ANKRD36C: variants seen among roughly 807,000 people sequenced by gnomAD.
The protein encoded by ANKRD36C is ankyrin repeat domain 36C, also known as ankyrin repeat domain-containing protein 36C.
ANKRD36C carries 61 observed loss-of-function variants against 276.4 expected under a neutral mutation model. The ratio of observed to expected loss-of-function variants is 0.22; its 90% CI spans 0.18 to 0.27. The LOEUF (loss-of-function observed/expected upper bound fraction) is 0.27, where lower values mean the gene tolerates loss of function less well. ANKRD36C is among the 10% of genes least tolerant of loss of function. The pLI is 1.00. For missense variants in ANKRD36C, 1,447 were observed against 2,032.3 expected, an observed-to-expected ratio of 0.71 and a Z score of 5.54; for synonymous variants, 483 against 680.1, an observed-to-expected ratio of 0.71 and a Z score of 4.51.
chr2:95,913,910 A>C (rs1474156506), intron 40 of ANKRD36C, among the ~76,000 whole-genome samples, 198 bp downstream of exon 42: 1 of 151,466 alleles, frequency 6.6e-6, no homozygotes, highest in Non-Finnish European at 1.5e-5. Context: ...AATGTGGGGA[A>C]ATGTATAATC....
In ANKRD36C at chr2:95,921,830, A is replaced by C; in HGVS notation, c.2144-20T>G. On this transcript the variant is annotated intron_variant, in intron 32 of 66. Coordinates refer to ENST00000456556, the Ensembl canonical transcript of ANKRD36C. ...AAGACACTGAAAAACAAAAGGGATA[A>C]TCACTCATATGTAAATATGATACAT... 6.3e-7 allele frequency: 1 copy of C among 1,591,142 alleles called. No individual in the cohort carries two copies. The highest frequency in any genetic ancestry group is 8.5e-7 in the Non-Finnish European group (1 of 1,171,992).
At chr2:95,955,468 T>G (rs955078186) in intron 13 of ANKRD36C, among the ~76,000 whole-genome samples, 12 of 151,646 alleles carry the variant, frequency 7.9e-5, no homozygotes, top group Non-Finnish European at 1.3e-4. Context: ...CAAACTTGCA[T>G]TAAACCAAAT....
intron 5 of ANKRD36C, among the ~76,000 whole-genome samples, chr2:95,979,827 T>G (rs941179703): frequency 6.6e-6 from 1 of 152,070 alleles, no homozygotes; most frequent in African/African-American, 2.4e-5. Context: ...AAGCCCAGGT[T>G]AAAATGTGGG....
chr2:95,912,111 T>A, intron 42 of ANKRD36C, 133 bp downstream of exon 44: 3 of 1,309,352 alleles, frequency 2.3e-6, no homozygotes, highest in Non-Finnish European at 3.1e-6. Context: ...ACCCAAGAAC[T>A]TATTAGAAAT....
chr2:95,962,621 A>G, intron 6 of ANKRD36C, 74 bp from the exon 7 acceptor site: 1 of 1,557,390 alleles, frequency 6.4e-7, no homozygotes, highest in Non-Finnish European at 8.7e-7. Flanking sequence ...ATGCACTGTT[A>G]CCATCAAGCT....
chr2:95,977,429 A>G (rs943995921), intron 6 of ANKRD36C, among the ~76,000 whole-genome samples: 2 of 152,224 alleles, frequency 1.3e-5, no homozygotes, highest in Non-Finnish European at 2.9e-5. Context: ...TAAATAAAAA[A>G]TTAAGTAAAA....
intron 52 of ANKRD36C, 96 bp downstream of exon 72, chr2:95,885,952 C>T (rs1354298454): frequency 4.5e-6 from 7 of 1,550,824 alleles, no homozygotes; most frequent in Admixed American, 1.9e-5. Context: ...TGAATCCAAA[C>T]ATAAAGCTTC....
At chr2:95,868,286 C>CTT (rs528122129) in intron 59 of ANKRD36C, among the ~76,000 whole-genome samples, 1 of 134,362 alleles carries the variant, frequency 7.4e-6, no homozygotes. Context: ...ACACCATCAT[C>CTT]TTTTTTTTTT....
intron 19 of ANKRD36C, 72 bp downstream of exon 19, chr2:95,944,555 A>G (rs1464282242): frequency 7.1e-7 from 1 of 1,401,758 alleles, no homozygotes; most frequent in Non-Finnish European, 9.7e-7. Flanking sequence ...TCATTAACAG[A>G]TAAGAGTGAG....
At chr2:95,923,352 G>C in intron 32 of ANKRD36C, 143 bp downstream of exon 32, 2 of 1,148,222 alleles carry the variant, frequency 1.7e-6, no homozygotes, top group Non-Finnish European at 2.5e-6. Context: ...AGCGTCACCC[G>C]AGAACTTATT....
At chr2:95,855,331 C>A in exon 63 of ANKRD36C, 2 of 1,610,520 alleles carry the variant, frequency 1.2e-6, no homozygotes, top group Non-Finnish European at 1.7e-6. Flanking sequence ...AATTCATTCA[C>A]CAACATTTTA....
intron 6 of ANKRD36C, among the ~76,000 whole-genome samples, chr2:95,968,700 A>G (rs940307746): frequency 2.0e-5 from 3 of 152,182 alleles, no homozygotes; most frequent in African/African-American, 4.8e-5. Context: ...ATTGTGTCAG[A>G]TCCCACAGGT....
At position 95,912,401 on chromosome 2, in the gene ANKRD36C, C is replaced by G. The variant is rs768199954; in HGVS notation, c.2580+6G>C. 7 of 1,603,994 alleles carry G rather than the reference C, an allele frequency of 4.4e-6. No homozygotes were observed. The highest frequency in any genetic ancestry group is 5.9e-6 in the Non-Finnish European group (7 of 1,177,832). ...TAGCTCACAATATGAATGAGAGTTT[C>G]ATTACCTTCAAGGCTGGTTTTTTCC... On this transcript the variant is annotated splice_donor_region_variant and intron_variant, in intron 41 of 66. Coordinates refer to ENST00000456556, the Ensembl canonical transcript of ANKRD36C.
At chr2:95,931,737 C>T (rs2104443681) in intron 24 of ANKRD36C, among the ~76,000 whole-genome samples, 1 of 148,330 alleles carries the variant, frequency 6.7e-6, no homozygotes, top group East Asian at 2.0e-4. Context: ...TTACTAGATC[C>T]AAGAAGAGCA....
intron 20 of ANKRD36C, among the ~76,000 whole-genome samples, chr2:95,939,699 C>T (rs77895988): frequency 7.1e-3 from 1,083 of 151,694 alleles, no homozygotes; most frequent in African/African-American, 0.018. Context: ...AGCGAGACTC[C>T]GTCTCAAAAA....
intron 24 of ANKRD36C, among the ~76,000 whole-genome samples, chr2:95,930,374 C>T (rs143652867): frequency 6.6e-6 from 1 of 151,448 alleles, no homozygotes; most frequent in Non-Finnish European, 1.5e-5. Flanking sequence ...CAAATCATCC[C>T]TTATGCAAAT....
intron 28 of ANKRD36C, among the ~76,000 whole-genome samples, chr2:95,926,064 C>T (rs1030062991): frequency 1.5e-4 from 23 of 151,442 alleles, no homozygotes; most frequent in African/African-American, 5.1e-4. Context: ...GTGGAAGTGG[C>T]CCAGCTTCAA....
chr2:95,858,412 G>A (rs565638254), intron 61 of ANKRD36C, among the ~76,000 whole-genome samples: 7 of 152,148 alleles, frequency 4.6e-5, no homozygotes, highest in Non-Finnish European at 1.0e-4. Flanking sequence ...GCATGTATAA[G>A]TTGAAATGTA....
At chr2:95,975,492 T>C (rs968202172) in intron 6 of ANKRD36C, among the ~76,000 whole-genome samples, 7 of 152,124 alleles carry the variant, frequency 4.6e-5, no homozygotes, top group African/African-American at 7.2e-5. Flanking sequence ...CAACTATCGA[T>C]CTTTGACAAA....
Sources: allele counts gnomAD v4.1 joint callset (sites outside exome capture counted in the v4.1 genomes callset), GRCh38; gene constraint gnomAD v4.1.1; transcripts MANE v1.5; gene names NCBI Gene and HGNC (gene_info 2026-07-23, HGNC 2026-07-21).